NKAIN2: variants seen among roughly 807,000 people sequenced by gnomAD.
The protein encoded by NKAIN2 is sodium/potassium-transporting ATPase subunit beta-1-interacting protein 2.
Under a neutral mutation model 32.6 loss-of-function variants are expected in NKAIN2, and 14 were observed. The observed-to-expected ratio is 0.43, with a 90% CI of 0.28 to 0.67. The LOEUF (loss-of-function observed/expected upper bound fraction) is 0.67, where lower values mean the gene tolerates loss of function less well. Ranked by LOEUF, NKAIN2 falls within the 30% of genes least tolerant of loss-of-function variation. The pLI is 0.17. For synonymous variants in NKAIN2, 80 were observed against 87.2 expected (o/e 0.92, Z 0.46); for missense variants, 198 against 258.3 (o/e 0.77, Z 1.60).
chr6:124,699,759 G>A (rs577154147), intron 4 of NKAIN2, among the ~76,000 whole-genome samples: 18 of 152,210 alleles, frequency 1.2e-4, no homozygotes, highest in Admixed American at 3.3e-4. Context: ...CTGCAGAGTC[G>A]TGAGCCAATT....
chr6:124,346,352 G>T (rs139587984), intron 2 of NKAIN2, among the ~76,000 whole-genome samples: 3 of 152,010 alleles, frequency 2.0e-5, no homozygotes, highest in African/African-American at 7.3e-5. Context: ...TATTAGGTCC[G>T]CTTGGTGCAG....
intron 2 of NKAIN2, among the ~76,000 whole-genome samples, chr6:124,285,587 G>C (rs577350125): frequency 6.6e-6 from 1 of 152,128 alleles, no homozygotes; most frequent in African/African-American, 2.4e-5. Flanking sequence ...CCAGTACTGT[G>C]TGTTTTAGGT....
chr6:124,103,810 G>A (rs1784995182), intron 1 of NKAIN2, among the ~76,000 whole-genome samples: 1 of 152,004 alleles, frequency 6.6e-6, no homozygotes, highest in African/African-American at 2.4e-5. Context: ...ACCTGGGGCC[G>A]GGTGCGGTGG....
chr6:123,950,786 A>T (rs1027962299), intron 1 of NKAIN2, among the ~76,000 whole-genome samples: 2 of 151,720 alleles, frequency 1.3e-5, no homozygotes, highest in East Asian at 3.8e-4. Context: ...GTCCAATTTC[A>T]TTTAGTTCTG....
chr6:124,540,749 T>A (rs625403), intron 3 of NKAIN2, among the ~76,000 whole-genome samples: 1 of 152,232 alleles, frequency 6.6e-6, no homozygotes, highest in Non-Finnish European at 1.5e-5. Context: ...ACTCATACAA[T>A]TATTCGGTTT....
intron 1 of NKAIN2, among the ~76,000 whole-genome samples, chr6:124,111,696 G>A (rs940711196): frequency 1.3e-5 from 2 of 151,934 alleles, no homozygotes; most frequent in African/African-American, 4.8e-5. Context: ...ATTTGCTATT[G>A]ACATTTTGTT....
At chr6:124,293,554 T>C (rs1795914024) in intron 2 of NKAIN2, among the ~76,000 whole-genome samples, 2 of 152,160 alleles carry the variant, frequency 1.3e-5, no homozygotes, top group South Asian at 4.1e-4. Context: ...CTTTCATGAA[T>C]GGTAGCTATC....
chr6:124,618,841 G>A (rs921017876), intron 3 of NKAIN2, among the ~76,000 whole-genome samples: 2 of 152,074 alleles, frequency 1.3e-5, no homozygotes, highest in African/African-American at 4.8e-5. Context: ...TATGGAAGGA[G>A]GCAGACATAA....
intron 4 of NKAIN2, among the ~76,000 whole-genome samples, chr6:124,749,896 A>C (rs1042439017): frequency 1.3e-5 from 2 of 151,680 alleles, no homozygotes; most frequent in African/African-American, 4.8e-5. Context: ...AATACTTGCA[A>C]AATTCTGTGC....
chr6:124,250,428 C>A (rs923946991), intron 1 of NKAIN2, among the ~76,000 whole-genome samples: 2 of 151,848 alleles, frequency 1.3e-5, no homozygotes, highest in African/African-American at 4.8e-5. Context: ...ACTCCAAATA[C>A]AAAGGGAAGA....
chr6:124,073,018 A>ATT (rs1783530204), intron 1 of NKAIN2, among the ~76,000 whole-genome samples: 2 of 152,144 alleles, frequency 1.3e-5, no homozygotes, highest in South Asian at 4.1e-4. Context: ...TGAAATGGAG[A>ATT]TTTGCTTGCA....
intron 4 of NKAIN2, among the ~76,000 whole-genome samples, chr6:124,732,340 A>T (rs1219191833): frequency 6.6e-6 from 1 of 152,074 alleles, no homozygotes; most frequent in East Asian, 1.9e-4. Flanking sequence ...GAAGCTGAGG[A>T]ATAGGACAGG....
chr6:124,706,847 T>A (rs568463900), intron 4 of NKAIN2, among the ~76,000 whole-genome samples: 13 of 152,342 alleles, frequency 8.5e-5, no homozygotes, highest in African/African-American at 2.4e-4. Flanking sequence ...GGTTTTATTT[T>A]TTTTTTATTA....
chr6:124,318,618 C>T (rs1797055507), intron 2 of NKAIN2, among the ~76,000 whole-genome samples: 1 of 151,932 alleles, frequency 6.6e-6, no homozygotes, highest in African/African-American at 2.4e-5. Context: ...ACTTATCTGT[C>T]TTTGTCTTAA....
At chr6:123,856,168 T>C (rs1775548005) in intron 1 of NKAIN2, among the ~76,000 whole-genome samples, 1 of 152,176 alleles carries the variant, frequency 6.6e-6, no homozygotes, top group Non-Finnish European at 1.5e-5. Flanking sequence ...CCCCTTCCTT[T>C]TTTTCCTCCT....
At chr6:123,965,126 A>G (rs1015282476) in intron 1 of NKAIN2, among the ~76,000 whole-genome samples, 6 of 151,986 alleles carry the variant, frequency 3.9e-5, no homozygotes, top group African/African-American at 1.2e-4. Context: ...TGAGACATCC[A>G]TCCACCCCCT....
intron 1 of NKAIN2, among the ~76,000 whole-genome samples, chr6:123,966,420 C>G (rs912668469): frequency 1.3e-5 from 2 of 152,080 alleles, no homozygotes. Flanking sequence ...TTATTTCATG[C>G]CCTAATTTGC....
chr6:124,245,529 C>T (rs802503), intron 1 of NKAIN2, among the ~76,000 whole-genome samples: 148,244 of 152,170 alleles, frequency 0.97, 72,254 homozygotes, highest in Middle Eastern at 1. Context: ...ATGTTGATTA[C>T]TCTTCAGCTT....
At chr6:123,848,378 T>A (rs1350226848) in intron 1 of NKAIN2, among the ~76,000 whole-genome samples, 1 of 152,166 alleles carries the variant, frequency 6.6e-6, no homozygotes, top group African/African-American at 2.4e-5. Flanking sequence ...GTTTCCATAA[T>A]CCCCATGTGT....
Sources: gnomAD v4.1 joint callset for allele counts (sites outside exome capture counted in the v4.1 genomes callset) on GRCh38, gnomAD v4.1.1 for gene constraint, MANE v1.5 for transcripts, NCBI Gene and HGNC (gene_info 2026-07-23, HGNC 2026-07-21) for gene names.